Variants in SEM1 observed in about 807,000 individuals in gnomAD.
SEM1 encodes the protein SEM1 26S proteasome subunit.
In SEM1, 3 loss-of-function variants were observed where a neutral mutation model predicts 12.7. The observed-to-expected ratio is 0.24, with a 90% CI of 0.11 to 0.61. SEM1 has a LOEUF of 0.61. Ranked by LOEUF, SEM1 falls within the 20% of genes least tolerant of loss-of-function variation. The pLI is 0.88. For missense variants in SEM1, 59 were observed against 81.3 expected, an observed-to-expected ratio of 0.73 and a Z score of 1.06; for synonymous variants, 30 against 27.8, an observed-to-expected ratio of 1.08 and a Z score of -0.25.
intron 2 of SEM1, among the ~76,000 whole-genome samples, chr7:96,566,002 T>G (rs1455834253): frequency 6.6e-6 from 1 of 151,844 alleles, no homozygotes; most frequent in African/African-American, 2.4e-5. Flanking sequence ...GTCCAAATCA[T>G]ATAGCACTTT....
chr7:96,622,965 G>A (rs180909879), intron 2 of SEM1: 189 of 282,806 alleles, frequency 6.7e-4, no homozygotes, highest in African/African-American at 3.9e-3. Flanking sequence ...GAGTCACAGG[G>A]TGCCAGGCAT....
At chr7:96,688,519 G>A (rs898380386), downstream of SEM1, 6 of 154,770 alleles carry the variant, frequency 3.9e-5, no homozygotes, top group African/African-American at 1.4e-4. Flanking sequence ...TCAATGTGAT[G>A]TAAAAGAAAT....
At chr7:96,628,868 A>G (rs1008149832) in intron 2 of SEM1, among the ~76,000 whole-genome samples, 2 of 152,128 alleles carry the variant, frequency 1.3e-5, no homozygotes, top group Non-Finnish European at 2.9e-5. Flanking sequence ...TGTCTGGGGA[A>G]GTCTTTAGTT....
intron 2 of SEM1, among the ~76,000 whole-genome samples, chr7:96,558,998 A>G (rs1805613948): frequency 6.6e-6 from 1 of 152,208 alleles, no homozygotes; most frequent in Non-Finnish European, 1.5e-5. Context: ...TAAGAGGATT[A>G]AATGAGCCAG....
chr7:96,631,106 A>T (rs1206410409), intron 2 of SEM1, among the ~76,000 whole-genome samples: 2 of 152,136 alleles, frequency 1.3e-5, no homozygotes, highest in Non-Finnish European at 2.9e-5. Context: ...GGTTAGGGGA[A>T]TGGTGATGCC....
chr7:96,703,701 C>T (rs1199756370), intron 1 of SEM1, among the ~76,000 whole-genome samples: 2 of 151,862 alleles, frequency 1.3e-5, no homozygotes, highest in Non-Finnish European at 2.9e-5. Context: ...GTAATCCCAG[C>T]ACCTGGGAAG....
At chr7:96,689,626 C>T (rs933420046) in intron 2 of SEM1, among the ~76,000 whole-genome samples, 2 of 152,202 alleles carry the variant, frequency 1.3e-5, no homozygotes, top group Admixed American at 6.5e-5. Flanking sequence ...CACCACTACA[C>T]TATTCCAATG....
chr7:96,594,013 A>C (rs1370487484), intron 2 of SEM1, among the ~76,000 whole-genome samples: 2 of 152,078 alleles, frequency 1.3e-5, no homozygotes, highest in East Asian at 3.9e-4. Flanking sequence ...TCAAATCAAT[A>C]GATATAGTAT....
intron 2 of SEM1, among the ~76,000 whole-genome samples, chr7:96,549,814 T>C (rs80074871): frequency 0.03 from 4,619 of 152,270 alleles, 228 homozygotes; most frequent in African/African-American, 0.1. Context: ...GGTGGGATTG[T>C]GGCATTATAA....
intron 1 of SEM1, among the ~76,000 whole-genome samples, chr7:96,486,948 T>G (rs1440667525): frequency 6.6e-6 from 1 of 152,292 alleles, no homozygotes; most frequent in African/African-American, 2.4e-5. Flanking sequence ...TGTGCCTGCC[T>G]TATGTTCTTA....
chr7:96,620,480 A>G (rs1015303882), downstream of SEM1, among the ~76,000 whole-genome samples: 3 of 152,088 alleles, frequency 2.0e-5, no homozygotes, highest in African/African-American at 7.2e-5. Context: ...AATGTCTCTG[A>G]GCAGTCTTTA....
intron 2 of SEM1, among the ~76,000 whole-genome samples, chr7:96,581,952 A>C (rs2116062526): frequency 6.6e-6 from 1 of 151,572 alleles, no homozygotes; most frequent in Non-Finnish European, 1.5e-5. Flanking sequence ...TCCTCTTTGA[A>C]TACCCTTTAT....
intron 2 of SEM1, among the ~76,000 whole-genome samples, chr7:96,587,616 C>G (rs1347027495): frequency 6.6e-6 from 1 of 151,278 alleles, no homozygotes; most frequent in East Asian, 2.0e-4. Flanking sequence ...ACTTTTTTGC[C>G]TATTTTTTCC....
rs768863476 is a variant in SEM1 at position 96,486,213 on chromosome 7, A to G, written c.217T>C (p.Trp73Arg). The G allele has an allele frequency of 3.1e-5, 48 of 1,534,632 alleles. No individual in the cohort carries two copies. The South Asian group carries it at 5.6e-4, about 18-fold the overall frequency. Residue 73 changes from tryptophan (W) to arginine (R), a missense_variant, in exon 2 of 4, where the codon TGG becomes CGG. Coordinates refer to the SEM1 transcript ENST00000356686. Reference sequence around the variant, plus strand: ...CTGTCATCTGCTTACCTGCAGACCCAGGCTAACTCTGTTGTCGCTCTGGAG... The same window carrying G: ...CTGTCATCTGCTTACCTGCAGACCCGGGCTAACTCTGTTGTCGCTCTGGAG...
At chr7:96,579,248 T>C (rs1389177517) in intron 2 of SEM1, among the ~76,000 whole-genome samples, 1 of 152,202 alleles carries the variant, frequency 6.6e-6, no homozygotes, top group Non-Finnish European at 1.5e-5. Flanking sequence ...ATTTGAAATA[T>C]AGTTATGCCT....
intron 3 of SEM1, among the ~76,000 whole-genome samples, chr7:96,506,209 G>A (rs1430401412): frequency 6.6e-6 from 1 of 151,928 alleles, no homozygotes; most frequent in Non-Finnish European, 1.5e-5. Flanking sequence ...TATATTTCTT[G>A]TCACAGAATC....
intron 2 of SEM1, among the ~76,000 whole-genome samples, chr7:96,547,255 T>C (rs1181652527): frequency 6.6e-6 from 1 of 152,188 alleles, no homozygotes; most frequent in Non-Finnish European, 1.5e-5. Flanking sequence ...AGAGGACATT[T>C]AGGAATCTCT....
intron 2 of SEM1, among the ~76,000 whole-genome samples, chr7:96,508,748 T>TATTTATAAATA (rs1379031674): frequency 6.6e-6 from 1 of 152,204 alleles, no homozygotes; most frequent in Admixed American, 6.5e-5. Context: ...TAGAATGTGG[T>TATTTATAAATA]CAAAGAAAAT....
intron 2 of SEM1, among the ~76,000 whole-genome samples, chr7:96,556,426 A>G (rs1407580999): frequency 6.6e-6 from 1 of 152,048 alleles, no homozygotes; most frequent in African/African-American, 2.4e-5. Flanking sequence ...TCTATAAAGT[A>G]TTTTATTTCT....
Sources: gnomAD v4.1 joint callset for allele counts (sites outside exome capture counted in the v4.1 genomes callset) on GRCh38, gnomAD v4.1.1 for gene constraint, MANE v1.5 for transcripts, NCBI Gene and HGNC (gene_info 2026-07-23, HGNC 2026-07-21) for gene names.